Variants in PCNX4 observed in about 807,000 individuals in gnomAD.
PCNX4 encodes pecanex 4, also known as pecanex-like protein 4.
Under a neutral mutation model 107.2 loss-of-function variants are expected in PCNX4, and 103 were observed. That is an observed-to-expected ratio of 0.96 (90% CI 0.82 to 1.13). PCNX4 has a LOEUF of 1.13. Among genes scored for constraint, PCNX4 ranks in the 50% most tolerant of loss-of-function variants. PCNX4 has a pLI of 0.00. For missense variants in PCNX4, 1,528 were observed against 1,379.4 expected, an observed-to-expected ratio of 1.11 and a Z score of -1.71; for synonymous variants, 541 against 481.7, an observed-to-expected ratio of 1.12 and a Z score of -1.61.
chr14:60,112,453 A>T (rs1566933142), intron 2 of PCNX4, among the ~76,000 whole-genome samples: 1 of 152,328 alleles, frequency 6.6e-6, no homozygotes, highest in Non-Finnish European at 1.5e-5. Flanking sequence ...GTTTTTCCAT[A>T]TTAAAGAATT....
At position 60,135,973 on chromosome 14, in the gene PCNX4, G is replaced by C. The variant is rs1213608197; in HGVS notation, c.*1752G>C. The C allele has an allele frequency of 6.6e-6, 1 of 152,106 alleles. No homozygotes were observed. Among genetic ancestry groups the C allele is most frequent in the Non-Finnish European group, 1.5e-5 (1 of 68,016 alleles). The allele number at this position is 152,106 out of a possible 1,614,324, so 9.4% of individuals were successfully genotyped here. A position where few individuals can be genotyped will look rare whatever the true frequency, so the allele number is the denominator to read the frequency against. On this transcript the variant is annotated 3_prime_UTR_variant, in exon 11 of 11. Coordinates refer to ENST00000406854, the MANE Select transcript of PCNX4 (RefSeq NM_001330177.2). ...ATTTTCACTGTGATAATAATGTCAA[G>C]CTATGCCTTCGCTTAACCTTGCATC...
At chr14:60,131,046 A>G (rs1289899310) in intron 10 of PCNX4, among the ~76,000 whole-genome samples, 5 of 152,232 alleles carry the variant, frequency 3.3e-5, no homozygotes, top group Admixed American at 6.5e-5. Flanking sequence ...TCTGCTTAGA[A>G]CAGAATAAGA....
At chr14:60,132,269 A>G (rs2140569223) in intron 10 of PCNX4, among the ~76,000 whole-genome samples, 1 of 152,190 alleles carries the variant, frequency 6.6e-6, no homozygotes, top group East Asian at 1.9e-4. Flanking sequence ...CAATTCTACC[A>G]CTACTTTCTT....
At chr14:60,121,141 AGAAGTTT>A in intron 7 of PCNX4, 48 bp from the exon 8 acceptor site, 1 of 1,542,826 alleles carries the variant, frequency 6.5e-7, no homozygotes, top group Non-Finnish European at 8.7e-7. Context: ...GCAAAATAAA[AGAAGTTT>A]GAAAATGATT....
chr14:60,101,273 C>T (rs989498439), intron 1 of PCNX4, among the ~76,000 whole-genome samples: 8 of 152,168 alleles, frequency 5.3e-5, no homozygotes, highest in Non-Finnish European at 1.0e-4. Context: ...ACCTTAGCCA[C>T]CTTGGGCACA....
In PCNX4 at chr14:60,141,337, C is replaced by G. The variant is rs1381835329; in HGVS notation, c.*7116C>G. On this transcript the variant is annotated 3_prime_UTR_variant, in exon 11 of 11. Coordinates refer to ENST00000406854, the MANE Select transcript of PCNX4 (RefSeq NM_001330177.2). ...AACTGCAAATAGAAAAATACATAAA[C>G]AAAAAACTGGTTCTTCAAAAAACAA... The G allele has an allele frequency of 6.6e-6, 1 of 151,646 alleles. No homozygotes were observed. Among genetic ancestry groups the G allele is most frequent in the Non-Finnish European group, 1.5e-5 (1 of 67,928 alleles). 9.4% of individuals were successfully genotyped at this position (151,646 alleles called of 1,614,324 possible).
chr14:60,143,495 T>C lies in PCNX4; in HGVS notation c.*9274T>C, dbSNP rs1943232250. The C allele has an allele frequency of 6.6e-6, 1 of 152,210 alleles. No individual in the cohort carries two copies. Among genetic ancestry groups the C allele is most frequent in the Non-Finnish European group, 1.5e-5 (1 of 68,040 alleles). The allele number at this position is 152,210 out of a possible 1,614,324, so 9.4% of individuals were successfully genotyped here. The stretch of plus-strand genomic sequence containing the variant: ...AACTATTACCATACCTAAATATATA[T>C]CTAATTAGGTTGTATGTTTTCTTGC... On this transcript the variant is annotated 3_prime_UTR_variant, in exon 11 of 11. Coordinates refer to ENST00000406854, the MANE Select transcript of PCNX4 (RefSeq NM_001330177.2).
At chr14:60,098,798 C>T (rs533138940) in intron 1 of PCNX4, among the ~76,000 whole-genome samples, 3 of 151,916 alleles carry the variant, frequency 2.0e-5, no homozygotes, top group Non-Finnish European at 4.4e-5. Flanking sequence ...ATTAGCTGAG[C>T]GTGGTGGTGC....
intron 7 of PCNX4, among the ~76,000 whole-genome samples, chr14:60,119,773 A>G (rs1895920942): frequency 6.6e-6 from 1 of 152,242 alleles, no homozygotes; most frequent in Admixed American, 6.5e-5. Context: ...TGCGTTATAA[A>G]GTATTTTCTG....
In PCNX4 at chr14:60,115,181, C is replaced by T. The variant is rs1305341484; in HGVS notation, c.1077C>T (p.Tyr359=). 1.9e-6 allele frequency: 3 copies of T among 1,613,344 alleles called. No homozygotes were observed. The highest frequency in any genetic ancestry group is 1.3e-5 in the African/African-American group (1 of 74,924). The change falls in exon 4 of 11, where the codon TAC becomes TAT. Residue 359 remains tyrosine (Y), a synonymous_variant. Transcript: ENST00000406854. ...KHFSWKECLF[Y]IIILVLALLE... is the part of the protein sequence containing the mutation. ...TTTCATGGAAGGAATGCCTTTTCTA[C>T]ATCATTATATTAGTCTTGGCTCTTT...
At chr14:60,105,238 A>C (rs796706676) in intron 1 of PCNX4, among the ~76,000 whole-genome samples, 1 of 152,174 alleles carries the variant, frequency 6.6e-6, no homozygotes, top group Non-Finnish European at 1.5e-5. Context: ...GCTAGACCAA[A>C]CTGCTCTGCA....
At chr14:60,132,999 A>G (rs1896182797) in intron 10 of PCNX4, among the ~76,000 whole-genome samples, 2 of 152,168 alleles carry the variant, frequency 1.3e-5, no homozygotes, top group Non-Finnish European at 2.9e-5. Context: ...TTGGGAATGT[A>G]AAATGGTACA....
At chr14:60,109,483 C>G in intron 2 of PCNX4, 1 of 166,434 alleles carries the variant, frequency 6.0e-6, no homozygotes. Context: ...CTCTCTTGCC[C>G]AGGCTGGAGT....
At chr14:60,115,653 GAATAA>G in intron 4 of PCNX4, 61 bp from the exon 5 acceptor site, 1 of 1,446,748 alleles carries the variant, frequency 6.9e-7, no homozygotes, top group Non-Finnish European at 9.5e-7. Context: ...GTATTTGCCA[GAATAA>G]AATATGGTAG....
chr14:60,096,463 G>A (rs1305926152), intron 1 of PCNX4, among the ~76,000 whole-genome samples: 1 of 152,190 alleles, frequency 6.6e-6, no homozygotes, highest in African/African-American at 2.4e-5. Flanking sequence ...AATACCAAAT[G>A]TGTCCAACAA....
chr14:60,103,252 T>C (rs1895566877), intron 1 of PCNX4, among the ~76,000 whole-genome samples: 1 of 152,220 alleles, frequency 6.6e-6, no homozygotes, highest in Non-Finnish European at 1.5e-5. Flanking sequence ...CATAAAACAT[T>C]AGTTACATGA....
intron 1 of PCNX4, among the ~76,000 whole-genome samples, chr14:60,100,676 C>G (rs917884689): frequency 2.6e-5 from 4 of 152,090 alleles, no homozygotes; most frequent in Non-Finnish European, 2.9e-5. Flanking sequence ...TAAATCTTGC[C>G]CAAATTCCTG....
Position 60,141,292 on chromosome 14 carries a change from C to G in PCNX4, c.*7071C>G, listed in dbSNP as rs1896303291. On this transcript the variant is annotated 3_prime_UTR_variant, in exon 11 of 11. Transcript: ENST00000406854. ...AAAGCAGGCAAAAGAAAGGAAATAA[C>G]CAAAAGCAGAAATCAATGAAACTGC... is the stretch of plus-strand genomic sequence containing the variant. 1 of 152,030 alleles carries G rather than the reference C, an allele frequency of 6.6e-6. No individual in the cohort carries two copies. The highest frequency in any genetic ancestry group is 2.1e-4 in the South Asian group (1 of 4,818). 9.4% of individuals were successfully genotyped at this position (152,030 alleles called of 1,614,324 possible). A position where few individuals can be genotyped will look rare whatever the true frequency, so the allele number is the denominator to read the frequency against.
intron 1 of PCNX4, among the ~76,000 whole-genome samples, chr14:60,107,187 G>A (rs1473735170): frequency 6.6e-6 from 1 of 152,136 alleles, no homozygotes; most frequent in Non-Finnish European, 1.5e-5. Flanking sequence ...CCCAAGACCA[G>A]CCTGGATAAT....
Sources: gnomAD v4.1 joint callset for allele counts (sites outside exome capture counted in the v4.1 genomes callset) on GRCh38, gnomAD v4.1.1 for gene constraint, MANE v1.5 for transcripts, NCBI Gene and HGNC (gene_info 2026-07-23, HGNC 2026-07-21) for gene names.